The following GPM6A variants were observed in gnomAD, a reference collection of about 807,000 sequenced individuals.
GPM6A encodes neuronal membrane glycoprotein M6-a.
A neutral mutation model predicts 32.1 loss-of-function variants in GPM6A; 7 were observed. The ratio of observed to expected loss-of-function variants is 0.22; its 90% CI spans 0.12 to 0.41. GPM6A has a LOEUF of 0.41. GPM6A is among the 10% of genes least tolerant of loss of function. The pLI, the probability that GPM6A is intolerant of heterozygous loss-of-function variation, is 1.00. For missense variants in GPM6A, 235 were observed against 347.2 expected (o/e 0.68, Z 2.57); for synonymous variants, 130 against 123.4 (o/e 1.05, Z -0.35).
At chr4:175,977,669 C>A (rs888958949) in intron 1 of GPM6A, among the ~76,000 whole-genome samples, 8 of 152,280 alleles carry the variant, frequency 5.3e-5, no homozygotes, top group South Asian at 2.1e-4. Context: ...CTTAATAATT[C>A]TCTTCTTCCT....
intron 1 of GPM6A, among the ~76,000 whole-genome samples, chr4:175,936,110 C>T (rs1739215406): frequency 6.6e-6 from 1 of 151,432 alleles, no homozygotes; most frequent in Non-Finnish European, 1.5e-5. Flanking sequence ...TCGAGACCAT[C>T]CTGGCTAACA....
upstream of GPM6A, chr4:175,812,772 C>T (rs1049774677): frequency 2.0e-6 from 2 of 985,434 alleles, no homozygotes; most frequent in Non-Finnish European, 2.4e-6. Flanking sequence ...AGATTCCCGT[C>T]GGTTCTTTAT....
chr4:175,878,015 C>A (rs1262599075), intron 1 of GPM6A, among the ~76,000 whole-genome samples: 3 of 152,204 alleles, frequency 2.0e-5, no homozygotes, highest in African/African-American at 7.2e-5. Flanking sequence ...AGTCCAAAAT[C>A]CAACAGGGCA....
intron 1 of GPM6A, among the ~76,000 whole-genome samples, chr4:175,747,439 C>T (rs1490287497): frequency 1.3e-5 from 2 of 152,016 alleles, no homozygotes; most frequent in African/African-American, 4.8e-5. Flanking sequence ...AAATATCTTT[C>T]AAACATATTC....
At chr4:176,002,381 T>G, upstream of GPM6A, 2 of 1,556,948 alleles carry the variant, frequency 1.3e-6, no homozygotes, top group Non-Finnish European at 1.7e-6. Context: ...CGGGGCCAAG[T>G]TCTCCAAGCC....
chr4:175,754,994 T>C (rs1732474914), intron 1 of GPM6A, among the ~76,000 whole-genome samples: 2 of 151,960 alleles, frequency 1.3e-5, no homozygotes, highest in African/African-American at 2.4e-5. Flanking sequence ...CAATTACACA[T>C]TTTGTAGGCA....
At chr4:175,861,230 C>A (rs1167204047) in intron 1 of GPM6A, among the ~76,000 whole-genome samples, 1 of 148,506 alleles carries the variant, frequency 6.7e-6, no homozygotes, top group Non-Finnish European at 1.5e-5. Context: ...AGAGAAAAGA[C>A]AAATACATAT....
chr4:175,637,677 AT>A (rs1560842753), intron 6 of GPM6A, among the ~76,000 whole-genome samples: 7 of 1,548 alleles, frequency 4.5e-3, no homozygotes, highest in African/African-American at 0.012. Flanking sequence ...TATATATAAT[AT>A]ATATATAATA....
At chr4:175,969,895 CT>C (rs1482200244) in intron 1 of GPM6A, among the ~76,000 whole-genome samples, 1 of 152,008 alleles carries the variant, frequency 6.6e-6, no homozygotes, top group Non-Finnish European at 1.5e-5. Flanking sequence ...AAAATAATGT[CT>C]ATTAATTTTT....
intron 1 of GPM6A, among the ~76,000 whole-genome samples, chr4:175,772,697 TG>T (rs1408722853): frequency 1.3e-5 from 2 of 152,204 alleles, no homozygotes; most frequent in Non-Finnish European, 2.9e-5. Flanking sequence ...CACATTCTCT[TG>T]GGTTCAGCAT....
intron 1 of GPM6A, among the ~76,000 whole-genome samples, chr4:175,737,320 ATAATCCTGCACGCCCG>A (rs946156613): frequency 2.0e-5 from 3 of 151,708 alleles, no homozygotes; most frequent in Non-Finnish European, 4.4e-5. Context: ...CTGCACGCCT[ATAATCCTGCACGCCCG>A]TAATCCTGCA....
At chr4:175,936,306 C>CAAAAAAAAAAAAAAAA (rs35653197) in intron 1 of GPM6A, among the ~76,000 whole-genome samples, 2 of 45,600 alleles carry the variant, frequency 4.4e-5, no homozygotes, top group Non-Finnish European at 3.7e-5. Context: ...ACTCTGTCTC[C>CAAAAAAAAAAAAAAAA]AAAAAAAAAA....
chr4:175,953,138 T>C (rs1004343588), intron 1 of GPM6A, among the ~76,000 whole-genome samples: 1 of 151,892 alleles, frequency 6.6e-6, no homozygotes, highest in African/African-American at 2.4e-5. Context: ...AGAGCATGCA[T>C]GCATTCTACA....
intron 1 of GPM6A, among the ~76,000 whole-genome samples, chr4:175,920,617 G>A (rs910841225): frequency 1.3e-5 from 2 of 152,102 alleles, no homozygotes; most frequent in South Asian, 2.1e-4. Flanking sequence ...GGAGGCCGAG[G>A]CAGGTGGATT....
At chr4:175,813,654 CATT>C (rs1272996323), upstream of GPM6A, among the ~76,000 whole-genome samples, 1 of 152,144 alleles carries the variant, frequency 6.6e-6, no homozygotes, top group African/African-American at 2.4e-5. Context: ...CTCACATCCT[CATT>C]ATCCATAGCA....
intron 1 of GPM6A, among the ~76,000 whole-genome samples, chr4:175,789,782 G>A (rs926098510): frequency 6.6e-6 from 1 of 152,162 alleles, no homozygotes; most frequent in African/African-American, 2.4e-5. Context: ...CCATCTTCCT[G>A]CTCCCTAAAT....
At chr4:175,977,554 A>G (rs1171904357) in intron 1 of GPM6A, among the ~76,000 whole-genome samples, 4 of 152,228 alleles carry the variant, frequency 2.6e-5, no homozygotes, top group Admixed American at 2.6e-4. Flanking sequence ...AAATAGTAAT[A>G]CATTATTTGA....
chr4:175,662,765 A>T (rs1291982185), intron 3 of GPM6A, among the ~76,000 whole-genome samples: 1 of 152,162 alleles, frequency 6.6e-6, no homozygotes, highest in East Asian at 1.9e-4. Context: ...GGATAGATAG[A>T]TATGAAAAAC....
chr4:175,751,129 A>C (rs1039507953), intron 1 of GPM6A, among the ~76,000 whole-genome samples: 2 of 152,184 alleles, frequency 1.3e-5, no homozygotes, highest in African/African-American at 4.8e-5. Context: ...AAATGTCTGA[A>C]TACACTAACA....
Sources: allele counts gnomAD v4.1 joint callset (sites outside exome capture counted in the v4.1 genomes callset), GRCh38; gene constraint gnomAD v4.1.1; transcripts MANE v1.5; gene names NCBI Gene and HGNC (gene_info 2026-07-23, HGNC 2026-07-21).